Variants in MAGI2 observed in about 807,000 individuals in gnomAD.
The protein encoded by MAGI2 is membrane associated guanylate kinase, WW and PDZ domain containing 2.
MAGI2 carries 35 observed loss-of-function variants against 133.3 expected under a neutral mutation model. That is an observed-to-expected ratio of 0.26 (90% CI 0.20 to 0.35). The LOEUF is 0.35. MAGI2 is among the 10% of genes least tolerant of loss of function. MAGI2 has a pLI of 1.00. For missense variants in MAGI2, 1,636 were observed against 1,863.4 expected (o/e 0.88, Z 2.25); for synonymous variants, 729 against 710.6 (o/e 1.03, Z -0.41).
intron 1 of MAGI2, among the ~76,000 whole-genome samples, chr7:79,159,052 T>C (rs536305797): frequency 7.2e-5 from 11 of 152,120 alleles, no homozygotes; most frequent in African/African-American, 2.6e-4. Context: ...AAATAAAAGA[T>C]GTAAAGAAAG....
chr7:78,194,804 C>T, intron 12 of MAGI2, 70 bp downstream of exon 12: 1 of 1,276,196 alleles, frequency 7.8e-7, no homozygotes, highest in Non-Finnish European at 1.1e-6. Flanking sequence ...GATCATTCAG[C>T]CTCAATATAT....
chr7:78,882,490 G>A (rs1179970122), intron 2 of MAGI2, among the ~76,000 whole-genome samples: 9 of 151,824 alleles, frequency 5.9e-5, no homozygotes, highest in Admixed American at 2.0e-4. Context: ...AATCAAAAAG[G>A]GACTTCCCCC....
At chr7:79,242,007 G>C (rs1832452272) in intron 1 of MAGI2, among the ~76,000 whole-genome samples, 3 of 152,136 alleles carry the variant, frequency 2.0e-5, no homozygotes, top group Admixed American at 2.0e-4. Flanking sequence ...TTCTCAGGGA[G>C]GCTGATTTGA....
intron 21 of MAGI2, among the ~76,000 whole-genome samples, chr7:78,076,231 C>T (rs35701152): frequency 0.24 from 35,440 of 150,642 alleles, 4,429 homozygotes; most frequent in East Asian, 0.48. Flanking sequence ...CTGAGATGGG[C>T]GGATTGTTCT....
rs117302431 is a variant in MAGI2 at position 78,863,745 on chromosome 7, G to T, written c.418+143345C>A. On this transcript the variant is annotated intron_variant, in intron 2 of 21. Transcript: ENST00000354212. ...TCAGTCATTCTTTGAGCTGATAAAG[G>T]CCAGAGAGTCCTTTTGTGTAAAGCA... 2.0e-5 allele frequency among the ~76,000 whole-genome samples: 3 copies of T among 152,316 alleles called. No individual in the cohort carries two copies. The East Asian group carries it at 5.8e-4, about 29-fold the overall frequency.
chr7:79,064,930 G>A (rs1208569033), intron 1 of MAGI2, among the ~76,000 whole-genome samples: 1 of 152,062 alleles, frequency 6.6e-6, no homozygotes, highest in African/African-American at 2.4e-5. Context: ...TGTACCTACA[G>A]TCCATGTGAT....
chr7:79,412,829 A>C (rs1413160759), intron 1 of MAGI2: 1 of 152,188 alleles, frequency 6.6e-6, no homozygotes, highest in Non-Finnish European at 1.5e-5. Flanking sequence ...GAGCTCTAAG[A>C]TACGTATCCA....
At chr7:78,381,487 A>G (rs1453915534) in intron 6 of MAGI2, among the ~76,000 whole-genome samples, 5 of 152,198 alleles carry the variant, frequency 3.3e-5, no homozygotes, top group Non-Finnish European at 5.9e-5. Context: ...AATATCTTCT[A>G]TAGCTCAAAA....
At chr7:79,070,480 T>C (rs1389159490) in intron 1 of MAGI2, among the ~76,000 whole-genome samples, 1 of 151,172 alleles carries the variant, frequency 6.6e-6, no homozygotes, top group Non-Finnish European at 1.5e-5. Flanking sequence ...TTTTTTATTA[T>C]TTTTATTTTT....
chr7:78,951,834 A>G (rs55654145), intron 2 of MAGI2, among the ~76,000 whole-genome samples: 2,129 of 152,264 alleles, frequency 0.014, 56 homozygotes, highest in African/African-American at 0.049. Context: ...ATTCTCTGAA[A>G]TACATTGTAA....
intron 21 of MAGI2, among the ~76,000 whole-genome samples, chr7:78,037,150 A>T (rs910682410): frequency 5.3e-5 from 8 of 152,042 alleles, no homozygotes; most frequent in African/African-American, 1.9e-4. Context: ...GGGCTGATTA[A>T]CATGAGCGTT....
At chr7:79,330,212 T>TAA (rs1563122274) in intron 1 of MAGI2, among the ~76,000 whole-genome samples, 1 of 115,168 alleles carries the variant, frequency 8.7e-6, no homozygotes, top group African/African-American at 3.6e-5. Flanking sequence ...TTTTTTTTTT[T>TAA]AGAAGGAGTC....
At chr7:78,854,802 G>A (rs1194836451) in intron 2 of MAGI2, among the ~76,000 whole-genome samples, 1 of 151,944 alleles carries the variant, frequency 6.6e-6, no homozygotes, top group Non-Finnish European at 1.5e-5. Context: ...TTTCGATTCA[G>A]TAAAACATGT....
intron 2 of MAGI2, among the ~76,000 whole-genome samples, chr7:78,855,283 C>A (rs985568995): frequency 3.9e-5 from 6 of 151,950 alleles, no homozygotes; most frequent in African/African-American, 1.5e-4. Context: ...ACTTTAAGTT[C>A]TAGGGTACAT....
At chr7:79,393,045 A>T (rs1449739070) in intron 1 of MAGI2, among the ~76,000 whole-genome samples, 14 of 152,226 alleles carry the variant, frequency 9.2e-5, no homozygotes, top group Admixed American at 3.9e-4. Context: ...TCATCAAAAA[A>T]CAATACTTCA....
intron 2 of MAGI2, among the ~76,000 whole-genome samples, chr7:78,672,169 C>T (rs1175905914): frequency 6.6e-6 from 1 of 152,068 alleles, no homozygotes; most frequent in Non-Finnish European, 1.5e-5. Flanking sequence ...AGGGTGGGGC[C>T]TAGTGGGAAA....
intron 2 of MAGI2, among the ~76,000 whole-genome samples, chr7:78,679,506 C>T (rs1050186802): frequency 1.3e-4 from 19 of 151,138 alleles, no homozygotes; most frequent in Non-Finnish European, 4.4e-5. Context: ...ATATAAAAGA[C>T]ATTAATATCC....
chr7:79,416,715 TTTTC>T (rs1846542033), intron 1 of MAGI2, among the ~76,000 whole-genome samples: 1 of 129,882 alleles, frequency 7.7e-6, no homozygotes, highest in Non-Finnish European at 1.6e-5. Flanking sequence ...TTTTCTTTTC[TTTTC>T]TTTTTCTTTT....
chr7:78,582,383 G>GT (rs1802927683), intron 3 of MAGI2, among the ~76,000 whole-genome samples: 1 of 152,186 alleles, frequency 6.6e-6, no homozygotes, highest in Non-Finnish European at 1.5e-5. Context: ...ACTGAGATCT[G>GT]TAAAATTGTT....
Sources: allele counts gnomAD v4.1 joint callset (sites outside exome capture counted in the v4.1 genomes callset), GRCh38; gene constraint gnomAD v4.1.1; transcripts MANE v1.5; gene names NCBI Gene and HGNC (gene_info 2026-07-23, HGNC 2026-07-21).